Variants in ATP2C1 observed in about 807,000 individuals in gnomAD.
The protein encoded by ATP2C1 is calcium-transporting ATPase type 2C member 1.
In ATP2C1, 31 loss-of-function variants were observed where a neutral mutation model predicts 120.5. That is an observed-to-expected ratio of 0.26 (90% CI 0.19 to 0.35). The LOEUF is 0.35. ATP2C1 is among the 10% of genes least tolerant of loss of function. ATP2C1 has a pLI of 1.00. For synonymous variants in ATP2C1, 351 were observed against 358.7 expected (o/e 0.98, Z 0.24); for missense variants, 731 against 1,107.5 (o/e 0.66, Z 4.83).
intron 20 of ATP2C1, among the ~76,000 whole-genome samples, chr3:130,989,126 C>T (rs2062170900): frequency 6.6e-6 from 1 of 151,662 alleles, no homozygotes; most frequent in South Asian, 2.1e-4. Flanking sequence ...TGGCGGGCAC[C>T]TGTAATCCCA....
At chr3:130,979,015 C>T (rs181306254) in intron 18 of ATP2C1, among the ~76,000 whole-genome samples, 11 of 152,216 alleles carry the variant, frequency 7.2e-5, no homozygotes, top group Non-Finnish European at 1.5e-4. Context: ...CCTACTCTGC[C>T]CTTCAGTTCT....
intron 1 of ATP2C1, among the ~76,000 whole-genome samples, chr3:130,872,933 A>T (rs570147834): frequency 7.9e-5 from 12 of 152,254 alleles, no homozygotes; most frequent in African/African-American, 2.9e-4. Flanking sequence ...ATTCTAGAAG[A>T]GGGTCTGCTT....
At chr3:130,958,995 G>C (rs1175122790) in intron 11 of ATP2C1, among the ~76,000 whole-genome samples, 3 of 152,074 alleles carry the variant, frequency 2.0e-5, no homozygotes, top group African/African-American at 7.2e-5. Flanking sequence ...TGCTTTAAGG[G>C]ATGGTAGGAG....
At chr3:130,975,203 C>A in intron 17 of ATP2C1, 129 bp from the exon 18 acceptor site, 1 of 847,994 alleles carries the variant, frequency 1.2e-6, no homozygotes, top group Non-Finnish European at 2.0e-6. Context: ...GTTCAGGTGG[C>A]AGTCAAAACC....
chr3:130,855,548 TCA>T (rs2067809865), intron 1 of ATP2C1, among the ~76,000 whole-genome samples: 1 of 152,160 alleles, frequency 6.6e-6, no homozygotes, highest in Admixed American at 6.5e-5. Context: ...GAAACTAGTG[TCA>T]CAAACTAAGA....
At chr3:130,904,164 T>C (rs2058016504) in intron 2 of ATP2C1, among the ~76,000 whole-genome samples, 1 of 152,048 alleles carries the variant, frequency 6.6e-6, no homozygotes, top group African/African-American at 2.4e-5. Context: ...AAAGAGGTCC[T>C]GGATATCTTT....
At chr3:130,915,124 C>G (rs2058624596) in intron 2 of ATP2C1, among the ~76,000 whole-genome samples, 1 of 150,944 alleles carries the variant, frequency 6.6e-6, no homozygotes, top group Non-Finnish European at 1.5e-5. Flanking sequence ...GACGATGTTT[C>G]ACTCTGTTGC....
chr3:130,918,868 T>C (rs2058807189), intron 2 of ATP2C1, among the ~76,000 whole-genome samples: 1 of 152,050 alleles, frequency 6.6e-6, no homozygotes, highest in Non-Finnish European at 1.5e-5. Context: ...GGCGGGTGCC[T>C]GTAGTCCCAG....
intron 2 of ATP2C1, among the ~76,000 whole-genome samples, chr3:130,926,314 A>G (rs2059203174): frequency 6.6e-6 from 1 of 152,230 alleles, no homozygotes; most frequent in Non-Finnish European, 1.5e-5. Context: ...AATAATGTGT[A>G]TCTACCTACA....
At chr3:130,987,036 C>T (rs2062053381) in intron 20 of ATP2C1, among the ~76,000 whole-genome samples, 1 of 151,224 alleles carries the variant, frequency 6.6e-6, no homozygotes, top group African/African-American at 2.4e-5. Context: ...AATTCCTGGG[C>T]CCAAGCTATC....
intron 8 of ATP2C1, among the ~76,000 whole-genome samples, chr3:130,944,990 TA>T (rs924809803): frequency 1.3e-5 from 2 of 152,368 alleles, no homozygotes; most frequent in African/African-American, 4.8e-5. Flanking sequence ...ACTATATTTT[TA>T]AAAGTTCGTA....
At chr3:130,893,971 C>G (rs1393530513), upstream of ATP2C1, 1 of 985,558 alleles carries the variant, frequency 1.0e-6, no homozygotes, top group African/African-American at 1.7e-5. Flanking sequence ...GCGCACCTCT[C>G]TCAGCGGAAG....
intron 8 of ATP2C1, among the ~76,000 whole-genome samples, chr3:130,950,948 G>A (rs2060346806): frequency 6.6e-6 from 1 of 151,996 alleles, no homozygotes; most frequent in South Asian, 2.1e-4. Flanking sequence ...TACATTTAAA[G>A]CAAAAGTCTT....
intron 1 of ATP2C1, among the ~76,000 whole-genome samples, chr3:130,862,571 AG>A (rs559704689): frequency 4.1e-4 from 62 of 152,312 alleles, no homozygotes; most frequent in African/African-American, 1.4e-3. Context: ...AGTCTAGAAA[AG>A]TTCCATCGCC....
chr3:130,953,787 A>C, intron 8 of ATP2C1, 34 bp from the exon 9 acceptor site: 25 of 1,613,368 alleles, frequency 1.5e-5, no homozygotes, highest in Non-Finnish European at 2.1e-5. Context: ...ATGTAGCACA[A>C]AATTTGAATC....
At chr3:130,897,210 A>G (rs2069706510) in intron 2 of ATP2C1, among the ~76,000 whole-genome samples, 1 of 152,188 alleles carries the variant, frequency 6.6e-6, no homozygotes, top group African/African-American at 2.4e-5. Flanking sequence ...GAGTTAGGTA[A>G]GGAATTTTCT....
chr3:130,883,939 T>TTTC (rs767084978), intron 1 of ATP2C1, among the ~76,000 whole-genome samples: 97 of 110,072 alleles, frequency 8.8e-4, no homozygotes, highest in African/African-American at 1.3e-3. Flanking sequence ...TTCTTTTTCT[T>TTTC]TTCTTCTTTT....
At chr3:130,952,495 CAAAAG>C (rs566113010) in intron 8 of ATP2C1, among the ~76,000 whole-genome samples, 148 of 152,032 alleles carry the variant, frequency 9.7e-4, no homozygotes, top group African/African-American at 3.5e-3. Context: ...CACCCCCCAC[CAAAAG>C]AAAAGAAAAA....
chr3:131,011,335 T>G (rs1233154282), intron 26 of ATP2C1, among the ~76,000 whole-genome samples: 1 of 152,214 alleles, frequency 6.6e-6, no homozygotes, highest in Non-Finnish European at 1.5e-5. Context: ...ATAGTAAAAG[T>G]TTTCCTGTCT....
Sources: allele counts gnomAD v4.1 joint callset (sites outside exome capture counted in the v4.1 genomes callset), GRCh38; gene constraint gnomAD v4.1.1; transcripts MANE v1.5; gene names NCBI Gene and HGNC (gene_info 2026-07-23, HGNC 2026-07-21).